PPARA: variants seen among roughly 807,000 people sequenced by gnomAD.
The protein encoded by PPARA is peroxisome proliferator activated receptor alpha, also known as peroxisome proliferator-activated receptor alpha.
Under a neutral mutation model 42.2 loss-of-function variants are expected in PPARA, and 22 were observed. The observed-to-expected ratio is 0.52, with a 90% CI of 0.37 to 0.74. The LOEUF is 0.74. Among genes scored for constraint, PPARA ranks in the 30% least tolerant of loss-of-function variants. The probability of loss-of-function intolerance (pLI) is 0.00; values close to 1 mark genes in which losing one functional copy is unlikely to be tolerated. For synonymous variants in PPARA, 242 were observed against 239.3 expected, an observed-to-expected ratio of 1.01 and a Z score of -0.10; for missense variants, 465 against 608.2, an observed-to-expected ratio of 0.76 and a Z score of 2.48.
intron 1 of PPARA, among the ~76,000 whole-genome samples, chr22:46,151,459 A>G (rs1213003317): frequency 1.3e-5 from 2 of 152,254 alleles, no homozygotes; most frequent in Non-Finnish European, 2.9e-5. Flanking sequence ...AGTGGAAGTC[A>G]GGAGGGTCGG....
At position 46,167,254 on chromosome 22, in the gene PPARA, A is replaced by G. The variant is rs1214994304; in HGVS notation, c.-126-9499A>G. Among the ~76,000 whole-genome samples, 1 of 150,998 alleles carries G rather than the reference A, an allele frequency of 6.6e-6. No individual in the cohort carries two copies. The highest frequency in any genetic ancestry group is 2.4e-5 in the African/African-American group (1 of 41,186). On this transcript the variant is annotated intron_variant, in intron 2 of 8. Transcript: ENST00000407236. The surrounding 1 kb of genome is among the most constrained non-coding windows in gnomAD (Gnocchi z 4.1). ...TTATCATTATATTATACTATTATGT[A>G]ATAATAGTATATATCATGTTACATA...
rs1277012552 is a variant in PPARA at position 46,227,959 on chromosome 22, A to G, written c.712-3833A>G. ...GCATTTCTCTTTAGCTTTAATAAAC[A>G]TTGGTTTCTTCATGGTACCACTCAT... On this transcript the variant is annotated intron_variant, in intron 7 of 8. Transcript: ENST00000407236. The surrounding 1 kb of genome is among the most constrained non-coding windows in gnomAD (Gnocchi z 4.3). 6.6e-6 allele frequency among the ~76,000 whole-genome samples: 1 copy of G among 152,242 alleles called. No homozygotes were observed. The highest frequency in any genetic ancestry group is 1.5e-5 in the Non-Finnish European group (1 of 68,042).
At chr22:46,213,406 T>TC (rs956705833) in intron 4 of PPARA, among the ~76,000 whole-genome samples, 5 of 150,698 alleles carry the variant, frequency 3.3e-5, no homozygotes, top group African/African-American at 1.2e-4. Flanking sequence ...TTTCTTTCTT[T>TC]TTTTTTTTTT....
At chr22:46,220,179 G>A in intron 7 of PPARA, 165 bp downstream of exon 7, 1 of 840,212 alleles carries the variant, frequency 1.2e-6, no homozygotes, top group Non-Finnish European at 1.9e-6. Context: ...CTGAGCTGTA[G>A]CTTAACAACA....
At position 46,161,688 on chromosome 22, in the gene PPARA, A is replaced by G. The variant is rs1046673643; in HGVS notation, c.-127+9718A>G. Among the ~76,000 whole-genome samples the G allele has an allele frequency of 5.3e-5, 8 of 152,366 alleles. No homozygotes were observed. Among genetic ancestry groups the G allele is most frequent in the Admixed American group, 4.6e-4 (7 of 15,306 alleles). ...GAGATTCTAGCCTAAGGTGTAACAC[A>G]TCCATCCACCAGGTATCATTTTTAT... On this transcript the variant is annotated intron_variant, in intron 2 of 8. Transcript: ENST00000407236. This position sits in a 1 kb window ranked among gnomAD's most constrained non-coding sequence, Gnocchi z 4.8.
At position 46,167,423 on chromosome 22, in the gene PPARA, G is replaced by T. The variant is rs570816536; in HGVS notation, c.-126-9330G>T. ...TCTTGCACTTTGAGAGGCCAAGGCG[G>T]GTGGATCACTTGGCCCCAGGAGTTA... On this transcript the variant is annotated intron_variant, in intron 2 of 8. Transcript: ENST00000407236. This position sits in a 1 kb window ranked among gnomAD's most constrained non-coding sequence, Gnocchi z 4.1. Among the ~76,000 whole-genome samples, 2 of 151,998 alleles carry T rather than the reference G, an allele frequency of 1.3e-5. No homozygotes were observed. The highest frequency in any genetic ancestry group is 2.9e-5 in the Non-Finnish European group (2 of 68,000).
chr22:46,174,009 C>CCTGGCCAACA (rs1569196305), intron 2 of PPARA, among the ~76,000 whole-genome samples: 2 of 149,706 alleles, frequency 1.3e-5, no homozygotes, highest in African/African-American at 2.5e-5. Flanking sequence ...TCGAGACCCT[C>CCTGGCCAACA]TCTACTAAAA....
chr22:46,218,945 T>G (rs984584388), intron 6 of PPARA, among the ~76,000 whole-genome samples: 7 of 151,916 alleles, frequency 4.6e-5, no homozygotes, highest in Non-Finnish European at 1.0e-4. Context: ...GTGGATCACT[T>G]GAGGTCAGGA....
At chr22:46,214,658 ACGGGTCCGGAGACGCG>A (rs111407274) in intron 4 of PPARA, among the ~76,000 whole-genome samples, 1,269 of 124,930 alleles carry the variant, frequency 0.01, 18 homozygotes, top group African/African-American at 0.037. Context: ...CCGGGGATCC[ACGGGTCCGGAGACGCG>A]CGGGTCCGGA....
At position 46,242,955 on chromosome 22, in the gene PPARA, T is replaced by G. The variant is rs1298804003; in HGVS notation, c.*7575T>G. ...GCTAAAGACCCTTCACTATTCTTGT[T>G]TAGTAAATAGCTGTCTGCTCTTCAG... On this transcript the variant is annotated 3_prime_UTR_variant, in exon 9 of 9. Coordinates refer to ENST00000407236, the MANE Select transcript of PPARA (RefSeq NM_005036.6). The surrounding 1 kb of genome is among the most constrained non-coding windows in gnomAD (Gnocchi z 6.1). The G allele has an allele frequency of 8.5e-5, 13 of 152,646 alleles. No individual in the cohort carries two copies. The highest frequency in any genetic ancestry group is 8.5e-4 in the Admixed American group (13 of 15,278). The allele number at this position is 152,646 out of a possible 1,614,324, so 9.5% of individuals were successfully genotyped here.
At chr22:46,172,378 C>T (rs1388706566) in intron 2 of PPARA, among the ~76,000 whole-genome samples, 2 of 150,796 alleles carry the variant, frequency 1.3e-5, no homozygotes, top group African/African-American at 4.9e-5. Context: ...CCTGTAATCC[C>T]AGCATTTTGG....
rs1370938868 is a variant in PPARA, at chr22:46,200,542, A to G, written c.208+1951A>G. 6.6e-6 allele frequency among the ~76,000 whole-genome samples: 1 copy of G among 152,260 alleles called. No individual in the cohort carries two copies. The highest frequency in any genetic ancestry group is 1.5e-5 in the Non-Finnish European group (1 of 68,046). ...TATTATCATCTTATGGGACCATGAT[A>G]CCACAGTTGAACTTATGGTCTATTG... On this transcript the variant is annotated intron_variant, in intron 4 of 8. Coordinates refer to ENST00000407236, the MANE Select transcript of PPARA (RefSeq NM_005036.6). This position sits in a 1 kb window ranked among gnomAD's most constrained non-coding sequence, Gnocchi z 4.8.
At chr22:46,194,589 T>G (rs567920871) in intron 3 of PPARA, among the ~76,000 whole-genome samples, 7,709 of 138,558 alleles carry the variant, frequency 0.056, 344 homozygotes, top group African/African-American at 0.15. Context: ...TTTTTTTTTT[T>G]GTGACAGAGT....
rs1930448405 is a variant in PPARA, at chr22:46,184,855, A to G, written c.-43+8019A>G. Among the ~76,000 whole-genome samples the G allele has an allele frequency of 1.3e-5, 2 of 152,216 alleles. No homozygotes were observed. Among genetic ancestry groups the G allele is most frequent in the African/African-American group, 4.8e-5 (2 of 41,442 alleles). On this transcript the variant is annotated intron_variant, in intron 3 of 8. Transcript: ENST00000407236. The surrounding 1 kb of genome is among the most constrained non-coding windows in gnomAD (Gnocchi z 4.4). ...ACGCGACAGAGCAAGACTCCGTCTC[A>G]AAAAACAAAAAAAGTATTCTGTTGG...
rs777926396 is a variant in PPARA at position 46,233,589 on chromosome 22, G to A, written c.1159+1350G>A. ...AAGTCCTTGCGCTCTGGCATAAAGT[G>A]TACAAAGACAAAGCAGTTATGCATA... On this transcript the variant is annotated intron_variant, in intron 8 of 8. Coordinates refer to ENST00000407236, the MANE Select transcript of PPARA (RefSeq NM_005036.6). The surrounding 1 kb of genome is among the most constrained non-coding windows in gnomAD (Gnocchi z 7.3). Among the ~76,000 whole-genome samples, 1 of 152,224 alleles carries A rather than the reference G, an allele frequency of 6.6e-6. No homozygotes were observed. The highest frequency in any genetic ancestry group is 1.5e-5 in the Non-Finnish European group (1 of 68,042).
intron 2 of PPARA, among the ~76,000 whole-genome samples, chr22:46,159,752 A>T (rs1048102248): frequency 1.3e-5 from 2 of 152,190 alleles, no homozygotes; most frequent in Non-Finnish European, 2.9e-5. Flanking sequence ...CTATCCTGGG[A>T]AGAAGGCTTT....
At position 46,161,038 on chromosome 22, in the gene PPARA, C is replaced by G. The variant is rs1290227031; in HGVS notation, c.-127+9068C>G. 6.6e-6 allele frequency among the ~76,000 whole-genome samples: 1 copy of G among 152,194 alleles called. No individual in the cohort carries two copies. Among genetic ancestry groups the G allele is most frequent in the African/African-American group, 2.4e-5 (1 of 41,440 alleles). ...GTGAAAGTGAATATTTAACCACACTCAAGCACAGCTGATGATCTTTAATAC... is the reference window on the plus strand; with the variant it reads ...GTGAAAGTGAATATTTAACCACACTGAAGCACAGCTGATGATCTTTAATAC... On this transcript the variant is annotated intron_variant, in intron 2 of 8. Transcript: ENST00000407236. The surrounding 1 kb of genome is among the most constrained non-coding windows in gnomAD (Gnocchi z 4.8).
rs2147751524 is a variant in PPARA, at chr22:46,241,584, A to C, written c.*6204A>C. On this transcript the variant is annotated 3_prime_UTR_variant, in exon 9 of 9. Transcript: ENST00000407236. The surrounding 1 kb of genome is among the most constrained non-coding windows in gnomAD (Gnocchi z 5.7). ...GGTGCCCAAGGCTGCTGCCTGCTCCACCTTTTGCCAGCTCTGGACATCTGA... is the reference window on the plus strand; with the variant it reads ...GGTGCCCAAGGCTGCTGCCTGCTCCCCCTTTTGCCAGCTCTGGACATCTGA... 6.6e-6 allele frequency: 1 copy of C among 152,320 alleles called. No homozygotes were observed. Among genetic ancestry groups the C allele is most frequent in the South Asian group, 2.1e-4 (1 of 4,832 alleles). The allele number at this position is 152,320 out of a possible 1,614,324, so 9.4% of individuals were successfully genotyped here. A position where few individuals can be genotyped will look rare whatever the true frequency, so the allele number is the denominator to read the frequency against.
intron 4 of PPARA, among the ~76,000 whole-genome samples, chr22:46,214,696 C>T (rs2147538974): frequency 6.7e-6 from 1 of 149,346 alleles, no homozygotes; most frequent in East Asian, 2.0e-4. Context: ...ATGCGTGGGT[C>T]CAGAGATGTG....
Sources: allele counts gnomAD v4.1 joint callset (sites outside exome capture counted in the v4.1 genomes callset), GRCh38; gene constraint gnomAD v4.1.1; non-coding constraint Gnocchi (gnomAD v3.1); transcripts MANE v1.5; gene names NCBI Gene and HGNC (gene_info 2026-07-23, HGNC 2026-07-21).